QRSL1: variants seen among roughly 807,000 people sequenced by gnomAD.
QRSL1 encodes glutamyl-tRNA(Gln) amidotransferase subunit A, mitochondrial.
QRSL1 carries 54 observed loss-of-function variants against 61.6 expected under a neutral mutation model. That is an observed-to-expected ratio of 0.88 (90% confidence interval 0.70 to 1.10). The LOEUF is 1.10. QRSL1 is among the 50% of genes least tolerant of loss of function. QRSL1 has a pLI of 0.00. For synonymous variants in QRSL1, 228 were observed against 225.7 expected, an observed-to-expected ratio of 1.01 and a Z score of -0.09; for missense variants, 505 against 622.6, an observed-to-expected ratio of 0.81 and a Z score of 2.01.
At chr6:106,660,948 A>T (rs188328325) in intron 9 of QRSL1, among the ~76,000 whole-genome samples, 1 of 152,274 alleles carries the variant, frequency 6.6e-6, no homozygotes, top group Non-Finnish European at 1.5e-5. Context: ...ATACTGTTTC[A>T]GTGGCAGTTA....
In QRSL1 at chr6:106,665,724, G is replaced by C. The variant is rs144789710; in HGVS notation, c.1367-58G>C. The C allele has an allele frequency of 1.7e-4, 244 of 1,426,778 alleles. No homozygotes were observed. The African/African-American group carries it at 3.2e-3, about 19-fold the overall frequency. The allele number at this position is 1,426,778 out of a possible 1,614,324, so 88.4% of individuals were successfully genotyped here. Reference sequence around the variant, plus strand: ...CTTATTAGCACTGGAAAGTGGAAGAGGTCTCTGCTAATTAGGGTGGAGAAT... The same window carrying C: ...CTTATTAGCACTGGAAAGTGGAAGACGTCTCTGCTAATTAGGGTGGAGAAT... On this transcript the variant is annotated intron_variant, in intron 10 of 10. Transcript: ENST00000369046.
intron 4 of QRSL1, among the ~76,000 whole-genome samples, chr6:106,644,922 G>A (rs958147700): frequency 1.3e-5 from 2 of 152,212 alleles, no homozygotes; most frequent in East Asian, 1.9e-4. Context: ...TTAGATTTTC[G>A]TATATAGTAT....
intron 9 of QRSL1, among the ~76,000 whole-genome samples, chr6:106,660,142 C>T (rs941478783): frequency 6.6e-6 from 1 of 151,212 alleles, no homozygotes; most frequent in Non-Finnish European, 1.5e-5. Context: ...TGGAATGAGG[C>T]CTGAAAACTG....
chr6:106,651,248 C>T (rs1295555486), intron 5 of QRSL1, among the ~76,000 whole-genome samples: 1 of 152,050 alleles, frequency 6.6e-6, no homozygotes, highest in Non-Finnish European at 1.5e-5. Flanking sequence ...AAGAACAACA[C>T]AAACTCTGTA....
At chr6:106,633,226 TA>T (rs1236662538) in intron 1 of QRSL1, among the ~76,000 whole-genome samples, 3 of 152,234 alleles carry the variant, frequency 2.0e-5, no homozygotes, top group Admixed American at 1.3e-4. Context: ...TCCCCAGCTC[TA>T]AAACTACCTT....
intron 4 of QRSL1, among the ~76,000 whole-genome samples, chr6:106,647,903 G>C (rs1224008397): frequency 3.3e-5 from 5 of 150,994 alleles, no homozygotes; most frequent in Admixed American, 1.3e-4. Context: ...GCCCTCCTCG[G>C]CCTCCCAAAG....
intron 1 of QRSL1, among the ~76,000 whole-genome samples, chr6:106,639,045 C>G (rs1380239768): frequency 6.7e-6 from 1 of 149,600 alleles, no homozygotes; most frequent in Non-Finnish European, 1.5e-5. Context: ...CTCAAGGTTT[C>G]TGAGCTTCAG....
At position 106,640,876 on chromosome 6, in the gene QRSL1, A is replaced by T. The variant is rs1356670646; in HGVS notation, c.238A>T (p.Ser80Cys). 1 of 1,613,786 alleles carries T rather than the reference A, an allele frequency of 6.2e-7. No individual in the cohort carries two copies. The highest frequency in any genetic ancestry group is 1.1e-5 in the South Asian group (1 of 91,078). The change falls in exon 3 of 11, where the codon AGC becomes TGC. Residue 80 changes from serine to cysteine, a missense_variant. Ser to Cys is a moderately radical substitution (Grantham distance 112, BLOSUM62 -1). Coordinates refer to ENST00000369046, the MANE Select transcript of QRSL1 (RefSeq NM_018292.5). Reference sequence around the variant, plus strand: ...TCCTATTGCAGTAAAAGACAATTTCAGCACTTCTGGCATTGAGACAACATG... The same window carrying T: ...TCCTATTGCAGTAAAAGACAATTTCTGCACTTCTGGCATTGAGACAACATG... ...GIPIAVKDNF[S>C]TSGIETTCAS...
rs7762435 is a variant in QRSL1 at position 106,632,740 on chromosome 6, G to A, written c.24+3035G>A. Among the ~76,000 whole-genome samples, 259 of 152,258 alleles carry A rather than the reference G, an allele frequency of 1.7e-3. 1 individual carries two copies. Among genetic ancestry groups the A allele is most frequent in the African/African-American group, 6.0e-3 (248 of 41,542 alleles). ...TGAGCACATTTTCATATACCAGTTT[G>A]CCATTTATATGTCTTTCTTTTGAGA... On this transcript the variant is annotated intron_variant, in intron 1 of 10. Coordinates refer to ENST00000369046, the MANE Select transcript of QRSL1 (RefSeq NM_018292.5).
Position 106,655,603 on chromosome 6 carries a change from T to G in QRSL1, c.1043-12T>G. Reference sequence around the variant, plus strand: ...TCCTTTCAAGTAATGTTTACCCTTTTCTTGTTTTCAGGTCACAGATGTGAC... The same window carrying G: ...TCCTTTCAAGTAATGTTTACCCTTTGCTTGTTTTCAGGTCACAGATGTGAC... On this transcript the variant is annotated splice_polypyrimidine_tract_variant and intron_variant, in intron 8 of 10. Transcript: ENST00000369046. 1 of 1,570,328 alleles carries G rather than the reference T, an allele frequency of 6.4e-7. No homozygotes were observed. The highest frequency in any genetic ancestry group is 8.8e-7 in the Non-Finnish European group (1 of 1,142,020).
At chr6:106,664,125 T>C (rs1359257632) in intron 10 of QRSL1, among the ~76,000 whole-genome samples, 2 of 152,238 alleles carry the variant, frequency 1.3e-5, no homozygotes, top group Non-Finnish European at 2.9e-5. Flanking sequence ...AATTTAAATA[T>C]GGTTTATATT....
At chr6:106,652,886 A>T in intron 7 of QRSL1, 1 of 813,984 alleles carries the variant, frequency 1.2e-6, no homozygotes, top group Non-Finnish European at 1.8e-6. Flanking sequence ...AGTCTTTATC[A>T]TAACTGCTTA....
chr6:106,652,605 T>C, intron 7 of QRSL1, 23 bp downstream of exon 7: 4 of 1,614,010 alleles, frequency 2.5e-6, no homozygotes, highest in Non-Finnish European at 2.5e-6. Flanking sequence ...TTTCATTACT[T>C]TACAGAAATA....
At chr6:106,634,437 T>G (rs1351194108) in intron 1 of QRSL1, among the ~76,000 whole-genome samples, 1 of 152,200 alleles carries the variant, frequency 6.6e-6, no homozygotes, top group Non-Finnish European at 1.5e-5. Flanking sequence ...CAGATGACTC[T>G]TAAGGGACCA....
intron 7 of QRSL1, chr6:106,652,869 A>G: frequency 9.7e-7 from 1 of 1,025,916 alleles, no homozygotes. Flanking sequence ...GATTTTGTGG[A>G]CCATGCAGTC....
At chr6:106,659,778 TTTTAC>T (rs1777327209) in intron 9 of QRSL1, among the ~76,000 whole-genome samples, 1 of 152,254 alleles carries the variant, frequency 6.6e-6, no homozygotes, top group Non-Finnish European at 1.5e-5. Context: ...CCAGGGCTAA[TTTTAC>T]TTTACTTTGA....
intron 3 of QRSL1, 54 bp downstream of exon 3, chr6:106,640,975 G>T: frequency 7.7e-7 from 1 of 1,297,200 alleles, no homozygotes; most frequent in Non-Finnish European, 1.1e-6. Flanking sequence ...GGTATTTTTC[G>T]CTTTAAGGAT....
At position 106,654,746 on chromosome 6, in the gene QRSL1, A is replaced by G. The variant is rs755261983; in HGVS notation, c.866A>G (p.Glu289Gly). Reference protein sequence around the residue: ...IGIPKEYLVPELSSEVQSLWS... With the variant: ...IGIPKEYLVPGLSSEVQSLWS... Reference sequence around the variant, plus strand: ...TGCTATAAGGAATATCTTGTACCGGAATTATCAAGTGAAGTACAGTCTCTT... The same window carrying G: ...TGCTATAAGGAATATCTTGTACCGGGATTATCAAGTGAAGTACAGTCTCTT... Residue 289 changes from glutamate to glycine, a missense_variant, in exon 8 of 11, where the codon GAA becomes GGA. Physicochemically the swap from Glu to Gly is moderately conservative, Grantham distance 98. Coordinates refer to ENST00000369046, the MANE Select transcript of QRSL1 (RefSeq NM_018292.5). 4.3e-6 allele frequency: 7 copies of G among 1,610,358 alleles called. No homozygotes were observed. In the East Asian group the frequency reaches 1.6e-4, roughly 36 times the overall value.
chr6:106,652,924 C>G, intron 7 of QRSL1: 1 of 592,548 alleles, frequency 1.7e-6, no homozygotes, highest in Non-Finnish European at 2.8e-6. Context: ...AAAGCAGCCA[C>G]AGACAATATG....
Sources: gnomAD v4.1 joint callset for allele counts (sites outside exome capture counted in the v4.1 genomes callset) on GRCh38, gnomAD v4.1.1 for gene constraint, MANE v1.5 for transcripts, NCBI Gene and HGNC (gene_info 2026-07-23, HGNC 2026-07-21) for gene names.